The following SHB variants were observed in gnomAD, a reference collection of about 807,000 sequenced individuals.
SHB encodes the protein SH2 domain-containing adapter protein B.
Under a neutral mutation model 52.3 loss-of-function variants are expected in SHB, and 20 were observed. The observed-to-expected ratio is 0.38, with a 90% CI of 0.27 to 0.56. SHB has a LOEUF of 0.56. Ranked by LOEUF, SHB falls within the 20% of genes least tolerant of loss-of-function variation. SHB has a pLI of 0.71. For synonymous variants in SHB, 397 were observed against 316.5 expected, an observed-to-expected ratio of 1.25 and a Z score of -2.70; for missense variants, 825 against 723.3, an observed-to-expected ratio of 1.14 and a Z score of -1.61.
intron 2 of SHB, among the ~76,000 whole-genome samples, chr9:38,004,383 G>A (rs904998702): frequency 6.6e-6 from 1 of 152,168 alleles, no homozygotes; most frequent in African/African-American, 2.4e-5. Flanking sequence ...GGCTGCGTGG[G>A]ACTCGGAAGG....
At chr9:38,029,070 AT>A (rs1412871507) in intron 1 of SHB, among the ~76,000 whole-genome samples, 1 of 152,162 alleles carries the variant, frequency 6.6e-6, no homozygotes, top group Non-Finnish European at 1.5e-5. Context: ...CCCTTACTGC[AT>A]CCTAGCCAGA....
intron 1 of SHB, among the ~76,000 whole-genome samples, chr9:38,049,952 A>G (rs1821718159): frequency 6.6e-6 from 1 of 152,136 alleles, no homozygotes; most frequent in South Asian, 2.1e-4. Context: ...GGCATGTGCC[A>G]CCACACCCGG....
intron 3 of SHB, among the ~76,000 whole-genome samples, chr9:37,971,933 A>T (rs1820594635): frequency 1.3e-5 from 2 of 152,240 alleles, no homozygotes; most frequent in Non-Finnish European, 2.9e-5. Flanking sequence ...TCACTTTCAC[A>T]GATCACCTGG....
intron 1 of SHB, among the ~76,000 whole-genome samples, chr9:38,032,917 A>C (rs1821435009): frequency 6.6e-6 from 1 of 152,232 alleles, no homozygotes; most frequent in Non-Finnish European, 1.5e-5. Flanking sequence ...CTGCTTCTCT[A>C]GAAAGAGTGA....
chr9:38,029,301 A>T (rs57219647), intron 1 of SHB, among the ~76,000 whole-genome samples: 1 of 152,052 alleles, frequency 6.6e-6, no homozygotes, highest in Admixed American at 6.5e-5. Context: ...CAGAAGTCCT[A>T]CCAATAAGGG....
chr9:37,949,447 GA>G (rs1436210583), intron 4 of SHB, among the ~76,000 whole-genome samples: 2 of 145,332 alleles, frequency 1.4e-5, no homozygotes, highest in South Asian at 2.2e-4. Context: ...AAAGAAGAAA[GA>G]AAAAAAAAGT....
Position 38,068,767 on chromosome 9 carries a change from C to A in SHB, c.-122G>T. The stretch of plus-strand genomic sequence containing the variant: ...CCCCGGCGGGGGGCGTCCGGGGCGC[C>A]CGCTCCCGACGCCAAGTTCAAGTTC... On this transcript the variant is annotated 5_prime_UTR_variant, in exon 1 of 6. Transcript: ENST00000377707. 1 of 254,562 alleles carries A rather than the reference C, an allele frequency of 3.9e-6. No individual in the cohort carries two copies. The highest frequency in any genetic ancestry group is 6.3e-6 in the Non-Finnish European group (1 of 158,210). The allele number at this position is 254,562 out of a possible 1,614,324, so 15.8% of individuals were successfully genotyped here. A position where few individuals can be genotyped will look rare whatever the true frequency, so the allele number is the denominator to read the frequency against.
At chr9:38,025,698 G>C (rs1313525267) in intron 1 of SHB, among the ~76,000 whole-genome samples, 1 of 152,186 alleles carries the variant, frequency 6.6e-6, no homozygotes, top group Non-Finnish European at 1.5e-5. Context: ...GGTGTATTCG[G>C]AACAGGGTGG....
At chr9:38,048,283 G>T (rs923646968) in intron 1 of SHB, among the ~76,000 whole-genome samples, 2 of 151,954 alleles carry the variant, frequency 1.3e-5, no homozygotes, top group African/African-American at 2.4e-5. Context: ...TACATATGTC[G>T]GTGGGAATGC....
At position 38,017,205 on chromosome 9, in the gene SHB, G is replaced by C. The variant is rs1046558351; in HGVS notation, c.718-1074C>G. On this transcript the variant is annotated intron_variant, in intron 1 of 5. Transcript: ENST00000377707. ...CTGGGACTTCCCTCTTGCCCTTTTT[G>C]GTCACATTTCTGGCAAAGACCAAGC... Among the ~76,000 whole-genome samples, 6 of 152,258 alleles carry C rather than the reference G, an allele frequency of 3.9e-5. No individual in the cohort carries two copies. The South Asian group carries it at 1.2e-3, about 32-fold the overall frequency.
At chr9:38,048,863 G>A (rs1447682654) in intron 1 of SHB, among the ~76,000 whole-genome samples, 3 of 152,010 alleles carry the variant, frequency 2.0e-5, no homozygotes, top group Non-Finnish European at 4.4e-5. Flanking sequence ...GGGCACCACT[G>A]GGTTCCCAGG....
chr9:37,942,259 G>A (rs545471518), intron 5 of SHB, among the ~76,000 whole-genome samples: 3 of 152,284 alleles, frequency 2.0e-5, no homozygotes, highest in East Asian at 1.9e-4. Context: ...ACAAATAGAC[G>A]TCATCAAGCA....
chr9:38,064,108 A>T (rs558644852), intron 1 of SHB, among the ~76,000 whole-genome samples: 27 of 149,546 alleles, frequency 1.8e-4, no homozygotes, highest in African/African-American at 6.1e-4. Context: ...TTTTTTTTTC[A>T]TAAAGCACAA....
chr9:37,945,747 T>C (rs535727146), intron 5 of SHB, among the ~76,000 whole-genome samples: 1 of 152,046 alleles, frequency 6.6e-6, no homozygotes, highest in African/African-American at 2.4e-5. Flanking sequence ...TCCCTCGACG[T>C]CCTCCCCTCA....
At chr9:38,022,911 G>C (rs545611244) in intron 1 of SHB, among the ~76,000 whole-genome samples, 1 of 152,334 alleles carries the variant, frequency 6.6e-6, no homozygotes, top group African/African-American at 2.4e-5. Context: ...GAGGCTCTAA[G>C]ATGGGCTTCT....
At chr9:38,017,212 T>C (rs574783610) in intron 1 of SHB, among the ~76,000 whole-genome samples, 2 of 152,230 alleles carry the variant, frequency 1.3e-5, no homozygotes. Context: ...TTTGGTCACA[T>C]TTCTGGCAAA....
chr9:38,064,498 C>T (rs142127576), intron 1 of SHB, among the ~76,000 whole-genome samples: 206 of 152,336 alleles, frequency 1.4e-3, no homozygotes, highest in South Asian at 8.7e-3. Context: ...CATATACACA[C>T]CCTGACACAT....
chr9:38,061,605 T>C (rs1057447393), intron 1 of SHB, among the ~76,000 whole-genome samples: 8 of 152,212 alleles, frequency 5.3e-5, no homozygotes, highest in Non-Finnish European at 1.2e-4. Context: ...ATTTGACTTT[T>C]AAAGCTAATT....
chr9:37,952,132 G>A (rs1358296820), intron 4 of SHB, among the ~76,000 whole-genome samples: 1 of 152,096 alleles, frequency 6.6e-6, no homozygotes, highest in East Asian at 1.9e-4. Flanking sequence ...CGGGGCTGAT[G>A]AAGGGAGAGG....
Sources: gnomAD v4.1 joint callset for allele counts (sites outside exome capture counted in the v4.1 genomes callset) on GRCh38, gnomAD v4.1.1 for gene constraint, MANE v1.5 for transcripts, NCBI Gene and HGNC (gene_info 2026-07-23, HGNC 2026-07-21) for gene names.